The following COL5A1 variants were observed in gnomAD, a reference collection of about 807,000 sequenced individuals.
COL5A1 encodes collagen alpha-1(V) chain.
In COL5A1, 16 loss-of-function variants were observed where a neutral mutation model predicts 263.7. The observed-to-expected ratio is 0.06, with a 90% CI of 0.04 to 0.09. The LOEUF (loss-of-function observed/expected upper bound fraction) is 0.09. Ranked by LOEUF, COL5A1 falls within the 10% of genes least tolerant of loss-of-function variation. COL5A1 has a pLI of 1.00. For missense variants in COL5A1, 2,036 were observed against 2,540.5 expected, an observed-to-expected ratio of 0.80 and a Z score of 4.27; for synonymous variants, 1,012 against 1,004.5, an observed-to-expected ratio of 1.01 and a Z score of -0.14.
Position 134,686,810 on chromosome 9 carries a change from G to A in COL5A1, c.110-4102G>A, listed in dbSNP as rs1833095592. ...GCAGGATGCCTGACCCCTAGGTGCTGGGGGTAAACACTTCTTGTAGTTTAA... is the reference window on the plus strand; with the variant it reads ...GCAGGATGCCTGACCCCTAGGTGCTAGGGGTAAACACTTCTTGTAGTTTAA... On this transcript the variant is annotated intron_variant, in intron 1 of 65. Coordinates refer to ENST00000371817, the MANE Select transcript of COL5A1 (RefSeq NM_000093.5). The surrounding 1 kb of genome is among the most constrained non-coding windows in gnomAD (Gnocchi z 4.6). Among the ~76,000 whole-genome samples the A allele has an allele frequency of 6.6e-6, 1 of 152,160 alleles. No homozygotes were observed. The highest frequency in any genetic ancestry group is 2.4e-5 in the African/African-American group (1 of 41,426).
chr9:134,764,347 G>A (rs1836581857), intron 20 of COL5A1, among the ~76,000 whole-genome samples: 1 of 140,310 alleles, frequency 7.1e-6, no homozygotes, highest in African/African-American at 2.7e-5. Flanking sequence ...GGGGTTCAAG[G>A]GCATTGTGGG....
rs945561991 is a variant in COL5A1, at chr9:134,757,515, C to G, written c.1881+697C>G. On this transcript the variant is annotated intron_variant, in intron 17 of 65. Transcript: ENST00000371817. The surrounding 1 kb of genome is among the most constrained non-coding windows in gnomAD (Gnocchi z 6.2). Reference sequence around the variant, plus strand: ...AAAAAATGCCAGGGCTCAACTACACCTGTTCCCTCTTAACGGGCGTGGATG... The same window carrying G: ...AAAAAATGCCAGGGCTCAACTACACGTGTTCCCTCTTAACGGGCGTGGATG... Among the ~76,000 whole-genome samples, 1 of 152,192 alleles carries G rather than the reference C, an allele frequency of 6.6e-6. No homozygotes were observed. Among genetic ancestry groups the G allele is most frequent in the African/African-American group, 2.4e-5 (1 of 41,448 alleles).
intron 63 of COL5A1, among the ~76,000 whole-genome samples, chr9:134,826,718 G>GT (rs1839285531): frequency 2.0e-5 from 3 of 147,502 alleles, no homozygotes; most frequent in East Asian, 2.0e-4. Flanking sequence ...GGGGTGTGTG[G>GT]GTGGTGTGTG....
intron 1 of COL5A1, among the ~76,000 whole-genome samples, chr9:134,651,924 C>T (rs113665099): frequency 0.021 from 3,248 of 152,268 alleles, 144 homozygotes; most frequent in African/African-American, 0.075. Context: ...TTTCTCTGCT[C>T]TTCCCCTGGG....
intron 3 of COL5A1, 113 bp from the exon 4 acceptor site, chr9:134,701,058 C>A: frequency 1.8e-6 from 2 of 1,110,756 alleles, no homozygotes; most frequent in Non-Finnish European, 2.7e-6. Flanking sequence ...TCCGCCCCAC[C>A]ACGATCGTGC....
chr9:134,759,231 T>C lies in COL5A1; in HGVS notation c.1935+935T>C, dbSNP rs77994316. On this transcript the variant is annotated intron_variant, in intron 18 of 65. Transcript: ENST00000371817. ...CCCCATGCACACACACACCCACACA[T>C]ACACCACATACACCACACATGTGTG... 2.7e-4 allele frequency among the ~76,000 whole-genome samples: 33 copies of C among 123,654 alleles called. 1 individual carries two copies. Among genetic ancestry groups the C allele is most frequent in the Admixed American group, 2.3e-3 (28 of 11,962 alleles). 81.1% of individuals were successfully genotyped at this position (123,654 alleles called of 152,430 possible).
In COL5A1 at chr9:134,758,465, AGAT is replaced by A. The variant is rs1189886818; in HGVS notation, c.1935+174_1935+176del. On this transcript the variant is annotated intron_variant, in intron 18 of 65. Coordinates refer to ENST00000371817, the MANE Select transcript of COL5A1 (RefSeq NM_000093.5). This position sits in a 1 kb window ranked among gnomAD's most constrained non-coding sequence, Gnocchi z 4.1. ...GAGTCAGCAATGGCAGTGAGCCCCA[AGAT>A]GATGTCTTTGTTGATGGGTGGCCAG... Among the ~76,000 whole-genome samples, 1 of 152,122 alleles carries A rather than the reference AGAT, an allele frequency of 6.6e-6. No individual in the cohort carries two copies. Among genetic ancestry groups the A allele is most frequent in the African/African-American group, 2.4e-5 (1 of 41,418 alleles).
chr9:134,710,946 AGGGGCCCCGTCTGTTGGGTGCAGTGG>A (rs1834020571), intron 4 of COL5A1, among the ~76,000 whole-genome samples: 1 of 45,740 alleles, frequency 2.2e-5, no homozygotes, highest in East Asian at 6.2e-4. Flanking sequence ...GTGGTGGGGG[AGGGGCCCCGTCTGTTGGGTGCAGTGG>A]TGGGGGAGGG....
chr9:134,685,901 A>G (rs1156325742), intron 1 of COL5A1, among the ~76,000 whole-genome samples: 1 of 137,690 alleles, frequency 7.3e-6, no homozygotes, highest in Non-Finnish European at 1.6e-5. Flanking sequence ...CCATCCAGCC[A>G]CCATCCATCC....
chr9:134,805,133 CT>C lies in COL5A1; in HGVS notation c.3205-26del, dbSNP rs757505054. On this transcript the variant is annotated intron_variant, in intron 40 of 65. Coordinates refer to ENST00000371817, the MANE Select transcript of COL5A1 (RefSeq NM_000093.5). ...CCCTGGAGGCCTCTCCCCACGTGCC[CT>C]TGACCAACCTTTTCATGGCTTTGCA... is the stretch of plus-strand genomic sequence containing the variant. 2.7e-5 allele frequency: 43 copies of C among 1,614,002 alleles called. No homozygotes were observed. In the East Asian group the frequency reaches 7.4e-4, roughly 28 times the overall value.
intron 1 of COL5A1, among the ~76,000 whole-genome samples, chr9:134,667,404 C>T (rs909775224): frequency 6.6e-6 from 1 of 152,216 alleles, no homozygotes; most frequent in Admixed American, 6.5e-5. Flanking sequence ...AAGGATGTGA[C>T]AGCATTTGCA....
At chr9:134,756,879 A>T in intron 17 of COL5A1, 61 bp downstream of exon 17, 1 of 1,514,738 alleles carries the variant, frequency 6.6e-7, no homozygotes, top group Non-Finnish European at 9.2e-7. Flanking sequence ...GGTCATGTTG[A>T]TGATGTAACC....
chr9:134,732,028 T>A (rs777042466), intron 8 of COL5A1, 43 bp from the exon 9 acceptor site: 6 of 1,609,330 alleles, frequency 3.7e-6, no homozygotes, highest in Non-Finnish European at 8.5e-7. Flanking sequence ...CTTTCTCACT[T>A]TTCTCTCTGA....
At chr9:134,723,194 C>G (rs772670272) in intron 4 of COL5A1, among the ~76,000 whole-genome samples, 9 of 152,324 alleles carry the variant, frequency 5.9e-5, no homozygotes, top group Non-Finnish European at 8.8e-5. Flanking sequence ...CCGACGACCG[C>G]CAACCCTCAG....
At position 134,700,897 on chromosome 9, in the gene COL5A1, C is replaced by T. The variant is rs72772558; in HGVS notation, c.492-274C>T. ...CAGTGCCGAGTGCTGTGTGCTCCCC[C>T]TTCCCCCTTTCACTTGGGCTCCCGG... On this transcript the variant is annotated intron_variant, in intron 3 of 65. Coordinates refer to ENST00000371817, the MANE Select transcript of COL5A1 (RefSeq NM_000093.5). This position sits in a 1 kb window ranked among gnomAD's most constrained non-coding sequence, Gnocchi z 4.0. Among the ~76,000 whole-genome samples, 2,154 of 152,292 alleles carry T rather than the reference C, an allele frequency of 0.014. 20 individuals are homozygous for T. Among genetic ancestry groups the T allele is most frequent in the Non-Finnish European group, 0.021 (1,419 of 68,030 alleles).
At chr9:134,835,649 C>T (rs12353326) in intron 65 of COL5A1, among the ~76,000 whole-genome samples, 5,061 of 152,324 alleles carry the variant, frequency 0.033, 205 homozygotes, top group East Asian at 0.1. Context: ...GCCAGCTCTC[C>T]GGACAGCCCG....
chr9:134,761,057 A>C (rs564642705), intron 18 of COL5A1, among the ~76,000 whole-genome samples: 3 of 140,410 alleles, frequency 2.1e-5, no homozygotes, highest in South Asian at 2.4e-4. Flanking sequence ...GCCCACACTC[A>C]CACCCACATG....
chr9:134,646,469 C>T (rs911431687), intron 1 of COL5A1, among the ~76,000 whole-genome samples: 2 of 152,238 alleles, frequency 1.3e-5, no homozygotes, highest in Admixed American at 6.5e-5. Context: ...TCTGACAGGA[C>T]ATTCCACACC....
At chr9:134,776,958 C>G (rs78714461) in intron 27 of COL5A1, among the ~76,000 whole-genome samples, 2 of 152,166 alleles carry the variant, frequency 1.3e-5, no homozygotes, top group African/African-American at 4.8e-5. Context: ...GGGGCTCCAC[C>G]CTGTGACCCA....
Sources: gnomAD v4.1 joint callset for allele counts (sites outside exome capture counted in the v4.1 genomes callset) on GRCh38, gnomAD v4.1.1 for gene constraint, Gnocchi (gnomAD v3.1) non-coding constraint, MANE v1.5 for transcripts, NCBI Gene and HGNC (gene_info 2026-07-23, HGNC 2026-07-21) for gene names.